CCSER1: variants seen among roughly 807,000 people sequenced by gnomAD.
CCSER1 encodes the protein coiled-coil serine rich protein 1.
In CCSER1, 41 loss-of-function variants were observed where a neutral mutation model predicts 82.0. That is an observed-to-expected ratio of 0.50 (90% CI 0.39 to 0.65). CCSER1 has a LOEUF of 0.65. Ranked by LOEUF, CCSER1 falls within the 30% of genes least tolerant of loss-of-function variation. The pLI is 0.00. For missense variants in CCSER1, 1,119 were observed against 1,064.2 expected (o/e 1.05, Z -0.72); for synonymous variants, 414 against 383.9 (o/e 1.08, Z -0.92).
chr4:90,872,751 C>G (rs1766702861), intron 8 of CCSER1, among the ~76,000 whole-genome samples: 1 of 151,880 alleles, frequency 6.6e-6, no homozygotes, highest in African/African-American at 2.4e-5. Flanking sequence ...TGTTAACATC[C>G]TTTACTTTCA....
chr4:90,977,201 G>A (rs955539577), intron 9 of CCSER1, among the ~76,000 whole-genome samples: 2 of 151,398 alleles, frequency 1.3e-5, no homozygotes, highest in African/African-American at 2.4e-5. Flanking sequence ...GCAAGACTTC[G>A]CAGAAAGACA....
At chr4:91,597,654 C>T (rs1764647624) in intron 10 of CCSER1, among the ~76,000 whole-genome samples, 1 of 152,006 alleles carries the variant, frequency 6.6e-6, no homozygotes, top group Admixed American at 6.6e-5. Flanking sequence ...GTGATGATGG[C>T]TAAATAAGCA....
intron 10 of CCSER1, among the ~76,000 whole-genome samples, chr4:91,475,889 G>A (rs2110028371): frequency 6.6e-6 from 1 of 151,904 alleles, no homozygotes; most frequent in South Asian, 2.1e-4. Context: ...GTGAGAATGT[G>A]TGATATTTGT....
Position 90,644,461 on chromosome 4 carries a change from T to A in CCSER1, c.1932+16229T>A, listed in dbSNP as rs565047253. On this transcript the variant is annotated intron_variant, in intron 6 of 10. Transcript: ENST00000509176. ...TAGGGTTGCTCAATCTGTATTTTTTTTATTTAATTTAATTTAATTTTACAT... is the reference window on the plus strand; with the variant it reads ...TAGGGTTGCTCAATCTGTATTTTTTATATTTAATTTAATTTAATTTTACAT... Among the ~76,000 whole-genome samples, 476 of 151,342 alleles carry A rather than the reference T, an allele frequency of 3.1e-3. 3 individuals carry two copies. The highest frequency in any genetic ancestry group is 0.021 in the Middle Eastern group (6 of 290).
chr4:91,050,867 G>C (rs945450322), intron 9 of CCSER1, among the ~76,000 whole-genome samples: 4 of 152,126 alleles, frequency 2.6e-5, no homozygotes, highest in African/African-American at 9.7e-5. Context: ...ATTTTGAATA[G>C]CTATCTCGTT....
intron 9 of CCSER1, among the ~76,000 whole-genome samples, chr4:91,003,467 G>A (rs996728492): frequency 6.6e-6 from 1 of 152,058 alleles, no homozygotes; most frequent in Non-Finnish European, 1.5e-5. Flanking sequence ...GATTATGCCT[G>A]CCTCTACTGT....
chr4:90,350,504 A>G (rs539288009), intron 3 of CCSER1, among the ~76,000 whole-genome samples: 2 of 152,280 alleles, frequency 1.3e-5, no homozygotes, highest in South Asian at 4.1e-4. Context: ...TAAGCATGTA[A>G]TTGTTTACAT....
intron 4 of CCSER1, among the ~76,000 whole-genome samples, chr4:90,408,962 CAGG>C (rs1172684123): frequency 1.3e-5 from 2 of 152,142 alleles, no homozygotes; most frequent in African/African-American, 2.4e-5. Context: ...AAAACCACAG[CAGG>C]AGAACTACGT....
At chr4:91,015,803 C>T (rs978350082) in intron 9 of CCSER1, among the ~76,000 whole-genome samples, 1 of 151,846 alleles carries the variant, frequency 6.6e-6, no homozygotes, top group Non-Finnish European at 1.5e-5. Context: ...ACTTCAGTGC[C>T]TGAAAAGATT....
chr4:91,215,097 A>G (rs1043456207), intron 10 of CCSER1, among the ~76,000 whole-genome samples: 2 of 152,138 alleles, frequency 1.3e-5, no homozygotes, highest in East Asian at 3.9e-4. Context: ...TTTAATTAGA[A>G]TATTTAACTA....
intron 3 of CCSER1, among the ~76,000 whole-genome samples, chr4:90,384,251 A>G (rs1749665986): frequency 6.7e-6 from 1 of 149,958 alleles, no homozygotes; most frequent in South Asian, 2.1e-4. Flanking sequence ...TTAACTCGTC[A>G]TTTACATTAG....
intron 10 of CCSER1, among the ~76,000 whole-genome samples, chr4:91,191,435 C>A (rs184903423): frequency 6.6e-6 from 1 of 152,148 alleles, no homozygotes; most frequent in Non-Finnish European, 1.5e-5. Flanking sequence ...AACCTTCGAA[C>A]CTGCTTATTA....
chr4:90,866,779 C>T (rs1765779308), intron 8 of CCSER1, among the ~76,000 whole-genome samples: 2 of 151,816 alleles, frequency 1.3e-5, no homozygotes, highest in East Asian at 1.9e-4. Context: ...TTTCATGTAT[C>T]GGGGGTGGAG....
chr4:91,326,229 A>G (rs988890657), intron 10 of CCSER1, among the ~76,000 whole-genome samples: 4 of 152,178 alleles, frequency 2.6e-5, no homozygotes, highest in African/African-American at 9.7e-5. Flanking sequence ...AGACTGGGTA[A>G]TTTATGATGA....
intron 5 of CCSER1, among the ~76,000 whole-genome samples, chr4:90,514,414 C>A (rs765792611): frequency 3.9e-5 from 6 of 152,032 alleles, no homozygotes; most frequent in Non-Finnish European, 8.8e-5. Flanking sequence ...GTTCATAGGA[C>A]AATTTTAATA....
At chr4:91,025,346 G>A (rs1454302062) in intron 9 of CCSER1, among the ~76,000 whole-genome samples, 1 of 151,828 alleles carries the variant, frequency 6.6e-6, no homozygotes, top group Non-Finnish European at 1.5e-5. Flanking sequence ...AAAGCTTCAG[G>A]GACTATCTTA....
At chr4:90,279,300 AG>A (rs1728481899) in intron 1 of CCSER1, among the ~76,000 whole-genome samples, 1 of 152,044 alleles carries the variant, frequency 6.6e-6, no homozygotes. Flanking sequence ...GTATGCACAT[AG>A]TTTTATCTGG....
chr4:90,771,029 A>T (rs1349979085), intron 7 of CCSER1, among the ~76,000 whole-genome samples: 2 of 152,100 alleles, frequency 1.3e-5, no homozygotes, highest in East Asian at 3.8e-4. Flanking sequence ...GGAACTCATG[A>T]TTATCCTCCA....
chr4:90,541,216 C>T (rs967568125), intron 5 of CCSER1, among the ~76,000 whole-genome samples: 1 of 151,946 alleles, frequency 6.6e-6, no homozygotes, highest in Admixed American at 6.6e-5. Flanking sequence ...AGCAAGAAGA[C>T]AGAGAACGAC....
Sources: allele counts gnomAD v4.1 joint callset (sites outside exome capture counted in the v4.1 genomes callset), GRCh38; gene constraint gnomAD v4.1.1; transcripts MANE v1.5; gene names NCBI Gene and HGNC (gene_info 2026-07-23, HGNC 2026-07-21).